The following DNAH14 variants were observed in gnomAD, a reference collection of about 807,000 sequenced individuals.
DNAH14 encodes the protein dynein axonemal heavy chain 14, also known as axonemal beta dynein heavy chain 14.
A neutral mutation model predicts 520.9 loss-of-function variants in DNAH14; 478 were observed. The observed-to-expected ratio is 0.92, with a 90% CI of 0.85 to 0.99. The LOEUF (loss-of-function observed/expected upper bound fraction) is 0.99. Ranked by LOEUF, DNAH14 falls within the 50% of genes least tolerant of loss-of-function variation. DNAH14 has a pLI of 0.00. For missense variants in DNAH14, 4,831 were observed against 5,234.5 expected (o/e 0.92, Z 2.38); for synonymous variants, 1,581 against 1,757.2 (o/e 0.90, Z 2.51).
At chr1:224,942,539 G>A (rs1018527066) in intron 1 of DNAH14, among the ~76,000 whole-genome samples, 15 of 151,978 alleles carry the variant, frequency 9.9e-5, no homozygotes, top group East Asian at 7.8e-4. Context: ...TGCCAACACT[G>A]TGTTGAATAG....
intron 54 of DNAH14, 73 bp downstream of exon 54, chr1:225,277,575 T>C: frequency 2.2e-6 from 1 of 446,748 alleles, no homozygotes; most frequent in Admixed American, 2.6e-5. Flanking sequence ...CTACTGTACT[T>C]ACAGAAGTTT....
intron 79 of DNAH14, among the ~76,000 whole-genome samples, chr1:225,378,879 C>CAAAAAAA: frequency 7.4e-6 from 1 of 135,374 alleles, no homozygotes; most frequent in East Asian, 2.1e-4. Flanking sequence ...AACTCCGTCC[C>CAAAAAAA]AAAAAAAAAA....
At chr1:225,358,057 G>T (rs913916709) in intron 73 of DNAH14, among the ~76,000 whole-genome samples, 1 of 152,060 alleles carries the variant, frequency 6.6e-6, no homozygotes, top group Non-Finnish European at 1.5e-5. Context: ...TGTGCCATTT[G>T]TTTTCATTTT....
chr1:225,013,936 C>T (rs1473004639), intron 10 of DNAH14, among the ~76,000 whole-genome samples: 1 of 152,128 alleles, frequency 6.6e-6, no homozygotes, highest in Non-Finnish European at 1.5e-5. Context: ...GGCTTCCTGG[C>T]TACATCCCCC....
intron 57 of DNAH14, 51 bp downstream of exon 57, chr1:225,303,398 G>A: frequency 6.8e-7 from 1 of 1,474,638 alleles, no homozygotes; most frequent in Non-Finnish European, 9.1e-7. Context: ...GCATCTGATG[G>A]TATTATGCCT....
At chr1:224,988,568 C>T (rs573521500) in intron 8 of DNAH14, among the ~76,000 whole-genome samples, 1 of 152,180 alleles carries the variant, frequency 6.6e-6, no homozygotes, top group Non-Finnish European at 1.5e-5. Context: ...GGTGAGTCCT[C>T]AAAGCTCTAG....
chr1:225,101,085 A>G (rs979212252), intron 23 of DNAH14, among the ~76,000 whole-genome samples: 7 of 152,086 alleles, frequency 4.6e-5, no homozygotes, highest in African/African-American at 1.4e-4. Context: ...CTAAATGACC[A>G]TTGGTAAATT....
chr1:225,147,819 G>C (rs2080097270), intron 31 of DNAH14, among the ~76,000 whole-genome samples: 2 of 152,094 alleles, frequency 1.3e-5, no homozygotes, highest in Admixed American at 6.5e-5. Flanking sequence ...CCTAGTATCA[G>C]TTGTTCCTCA....
At chr1:225,187,372 C>G (rs530966675) in intron 37 of DNAH14, among the ~76,000 whole-genome samples, 2 of 151,742 alleles carry the variant, frequency 1.3e-5, no homozygotes, top group African/African-American at 4.8e-5. Context: ...TCTATAGATT[C>G]GCCTCTTTTG....
chr1:225,210,110 T>C (rs1316093855), intron 41 of DNAH14, among the ~76,000 whole-genome samples: 1 of 148,352 alleles, frequency 6.7e-6, no homozygotes, highest in African/African-American at 2.5e-5. Context: ...CAGGAGTTTT[T>C]CTTCGTACCC....
rs747176450 is a variant in DNAH14 at position 225,051,682 on chromosome 1, G to A, written c.2311G>A (p.Val771Ile). The A allele has an allele frequency of 8.8e-5, 136 of 1,550,990 alleles. No individual in the cohort carries two copies. The highest frequency in any genetic ancestry group is 3.3e-4 in the Middle Eastern group (2 of 6,000). Reference sequence around the variant, plus strand: ...TGAGAAGCGTATTGGTATTTTCAACGTTGTAAGTCTTGATTATCAATCAGA... The same window carrying A: ...TGAGAAGCGTATTGGTATTTTCAACATTGTAAGTCTTGATTATCAATCAGA... ...AIEKRIGIFN[V>I]VSLDYQSECL... The change falls in exon 17 of 86, where the codon GTT becomes ATT. Residue 771 changes from valine (V) to isoleucine (I), a missense_variant. Val to Ile is a conservative substitution (Grantham distance 29). Transcript: ENST00000682510.
intron 1 of DNAH14, among the ~76,000 whole-genome samples, chr1:224,944,706 A>C (rs12082397): frequency 0.015 from 2,306 of 152,272 alleles, 47 homozygotes; most frequent in East Asian, 0.053. Flanking sequence ...AAAATCTCTC[A>C]GCAGTTGCTT....
Position 225,259,160 on chromosome 1 carries a change from T to G in DNAH14, c.7064T>G (p.Met2355Arg). ...GGGAAAACTGCTGCCATTAATCAAA[T>G]GCTTGAAAAGCTAGAGGGTCCAGGA... ...GVGKTAAINQ[M>R]LEKLEGPGAF... The change falls in exon 46 of 86, where the codon ATG becomes AGG. Residue 2355 changes from methionine to arginine, a missense_variant. By Grantham distance (91) the Met-to-Arg change is moderately conservative (BLOSUM62 -1). Coordinates refer to ENST00000682510, the MANE Select transcript of DNAH14 (RefSeq NM_001367479.1). 1 of 1,546,786 alleles carries G rather than the reference T, an allele frequency of 6.5e-7. No homozygotes were observed. Among genetic ancestry groups the G allele is most frequent in the Non-Finnish European group, 8.7e-7 (1 of 1,145,632 alleles).
At chr1:225,180,473 A>G (rs4653610) in intron 36 of DNAH14, among the ~76,000 whole-genome samples, 23,445 of 152,186 alleles carry the variant, frequency 0.15, 2,117 homozygotes, top group East Asian at 0.36. Context: ...CTGCTTCCAC[A>G]CATGGCAGAA....
At chr1:225,082,384 G>T (rs2073240969) in intron 19 of DNAH14, among the ~76,000 whole-genome samples, 165 bp from the exon 20 acceptor site, 1 of 152,002 alleles carries the variant, frequency 6.6e-6, no homozygotes, top group Non-Finnish European at 1.5e-5. Context: ...TCATGGAAGG[G>T]TAATGTTAAT....
intron 72 of DNAH14, among the ~76,000 whole-genome samples, chr1:225,353,539 A>T (rs2095394846): frequency 6.6e-6 from 1 of 152,144 alleles, no homozygotes; most frequent in African/African-American, 2.4e-5. Flanking sequence ...TCTGTCCATC[A>T]TCTTGTTATA....
At chr1:225,133,862 G>T (rs529231745) in intron 27 of DNAH14, among the ~76,000 whole-genome samples, 2 of 152,290 alleles carry the variant, frequency 1.3e-5, no homozygotes, top group African/African-American at 4.8e-5. Context: ...CATGAGCATG[G>T]AATGTTTCTC....
chr1:225,058,520 C>T lies in DNAH14; in HGVS notation c.2424+6725C>T, dbSNP rs554184410. On this transcript the variant is annotated intron_variant, in intron 17 of 85. Transcript: ENST00000682510. ...TGATTTTTTGAAGGGTGTTTTGTGT[C>T]TCTATGTCCTTCATTTCTGCTCTGA... Among the ~76,000 whole-genome samples the T allele has an allele frequency of 1.2e-4, 18 of 152,260 alleles. No individual in the cohort carries two copies. In the South Asian group the frequency reaches 3.7e-3, roughly 32 times the overall value.
chr1:225,130,842 TAA>T (rs1233698744), intron 27 of DNAH14, among the ~76,000 whole-genome samples: 1 of 146,188 alleles, frequency 6.8e-6, no homozygotes. Flanking sequence ...TAAAATAAAA[TAA>T]AAAAAGGAAA....
Sources: gnomAD v4.1 joint callset for allele counts (sites outside exome capture counted in the v4.1 genomes callset) on GRCh38, gnomAD v4.1.1 for gene constraint, MANE v1.5 for transcripts, NCBI Gene and HGNC (gene_info 2026-07-23, HGNC 2026-07-21) for gene names.